Variants in PARG observed in about 807,000 individuals in gnomAD.
PARG encodes the protein mitochondrial poly(ADP-ribose) glycohydrolase.
PARG carries 35 observed loss-of-function variants against 113.0 expected under a neutral mutation model. The ratio of observed to expected loss-of-function variants is 0.31; its 90% CI spans 0.24 to 0.41. The LOEUF is 0.41. Ranked by LOEUF, PARG falls within the 10% of genes least tolerant of loss-of-function variation. The pLI, the probability that PARG is intolerant of heterozygous loss-of-function variation, is 1.00. For missense variants in PARG, 797 were observed against 1,169.4 expected (o/e 0.68, Z 4.64); for synonymous variants, 330 against 409.9 (o/e 0.81, Z 2.36).
At chr10:49,869,353 T>G (rs1554837474) in intron 10 of PARG, 123 bp downstream of exon 10, 1 of 673,674 alleles carries the variant, frequency 1.5e-6, no homozygotes, top group Non-Finnish European at 2.7e-6. Context: ...GCATCATTAC[T>G]AGTGTTTCAA....
intron 7 of PARG, among the ~76,000 whole-genome samples, chr10:49,913,482 A>G (rs1837308148): frequency 1.3e-5 from 2 of 152,262 alleles, no homozygotes; most frequent in Non-Finnish European, 2.9e-5. Flanking sequence ...TTAAACATAC[A>G]TTTATGTCTA....
intron 7 of PARG, among the ~76,000 whole-genome samples, chr10:49,906,551 T>C (rs1848603012): frequency 6.6e-6 from 1 of 152,154 alleles, no homozygotes; most frequent in Non-Finnish European, 1.5e-5. Flanking sequence ...CCACAGTCCA[T>C]AGATAAAAAT....
At chr10:49,882,782 G>T (rs1337223807) in intron 8 of PARG, among the ~76,000 whole-genome samples, 3 of 140,928 alleles carry the variant, frequency 2.1e-5, no homozygotes, top group Non-Finnish European at 4.6e-5. Flanking sequence ...GACACAAAGA[G>T]GATCTCCCTT....
chr10:49,837,607 A>G (rs1317624338), intron 15 of PARG, among the ~76,000 whole-genome samples: 2 of 152,242 alleles, frequency 1.3e-5, no homozygotes, highest in Non-Finnish European at 2.9e-5. Flanking sequence ...AGTAAGGGAC[A>G]AATGCTTTAA....
intron 7 of PARG, among the ~76,000 whole-genome samples, chr10:49,897,563 GC>G (rs1456109415): frequency 3.3e-5 from 5 of 152,184 alleles, no homozygotes; most frequent in African/African-American, 7.2e-5. Context: ...CCAGTACTAA[GC>G]ATAGTATTTA....
intron 7 of PARG, among the ~76,000 whole-genome samples, chr10:49,905,929 C>T (rs1288068854): frequency 2.6e-5 from 4 of 151,794 alleles, no homozygotes; most frequent in African/African-American, 9.7e-5. Flanking sequence ...CACACACAGA[C>T]TGGGTTTGAC....
rs1251742249 is a variant in PARG, at chr10:49,857,250, A to G, written c.2353+56T>C. The G allele has an allele frequency of 1.8e-5, 12 of 679,190 alleles. No homozygotes were observed. The African/African-American group carries it at 2.0e-4, about 11-fold the overall frequency. The allele number at this position is 679,190 out of a possible 1,614,324, so 42.1% of individuals were successfully genotyped here. ...TACTGGGTAGTCTCTAGTCTTCATG[A>G]CAGATATTCACAGATGGGGAAGACT... On this transcript the variant is annotated intron_variant, in intron 13 of 17. Coordinates refer to ENST00000616448, the MANE Select transcript of PARG (RefSeq NM_003631.5).
At chr10:49,934,984 A>C (rs1838679040) in intron 2 of PARG, 92 bp downstream of exon 2, 1 of 652,690 alleles carries the variant, frequency 1.5e-6, no homozygotes, top group Non-Finnish European at 2.8e-6. Flanking sequence ...AGGAGAACAG[A>C]AAAGCATGAA....
intron 7 of PARG, among the ~76,000 whole-genome samples, chr10:49,911,332 G>C (rs1405268783): frequency 6.6e-6 from 1 of 151,402 alleles, no homozygotes; most frequent in African/African-American, 2.4e-5. Context: ...AAGATGCATT[G>C]ATAGAGGACT....
chr10:49,853,699 C>T (rs1198765973), intron 13 of PARG, among the ~76,000 whole-genome samples: 1 of 152,132 alleles, frequency 6.6e-6, no homozygotes, highest in Non-Finnish European at 1.5e-5. Context: ...CTTCAAATGG[C>T]TGACTGAGGC....
intron 16 of PARG, among the ~76,000 whole-genome samples, chr10:49,828,277 A>C (rs1844474398): frequency 6.6e-6 from 1 of 152,146 alleles, no homozygotes; most frequent in African/African-American, 2.4e-5. Context: ...TTATGTTTGA[A>C]AGTAACAGGA....
intron 13 of PARG, among the ~76,000 whole-genome samples, chr10:49,856,827 T>C (rs1182675533): frequency 6.6e-6 from 1 of 151,742 alleles, no homozygotes; most frequent in Non-Finnish European, 1.5e-5. Context: ...CTGACCAATA[T>C]GGAGAAACCC....
intron 13 of PARG, among the ~76,000 whole-genome samples, chr10:49,844,613 A>C (rs1366691236): frequency 7.1e-6 from 1 of 140,534 alleles, no homozygotes; most frequent in Non-Finnish European, 1.5e-5. Context: ...ACAGAGCAAG[A>C]CTCCATCTCA....
At chr10:49,891,348 A>T (rs1288692394) in intron 7 of PARG, among the ~76,000 whole-genome samples, 2 of 151,886 alleles carry the variant, frequency 1.3e-5, no homozygotes, top group African/African-American at 2.4e-5. Flanking sequence ...AAAATAAAAA[A>T]AAATCAATCA....
At chr10:49,826,607 A>G (rs1416937198) in intron 16 of PARG, among the ~76,000 whole-genome samples, 2 of 152,230 alleles carry the variant, frequency 1.3e-5, no homozygotes, top group African/African-American at 4.8e-5. Context: ...AGAAATTTAT[A>G]AAAAGTTTCT....
intron 7 of PARG, among the ~76,000 whole-genome samples, chr10:49,891,947 G>A (rs1408395233): frequency 2.6e-5 from 4 of 151,504 alleles, no homozygotes; most frequent in South Asian, 2.1e-4. Flanking sequence ...GAAACAGGGA[G>A]GTTCATTACC....
At chr10:49,914,028 C>T (rs1396973490) in intron 7 of PARG, among the ~76,000 whole-genome samples, 3 of 152,228 alleles carry the variant, frequency 2.0e-5, no homozygotes, top group Non-Finnish European at 4.4e-5. Flanking sequence ...CTAAACACAC[C>T]AAAACTTGCT....
intron 16 of PARG, among the ~76,000 whole-genome samples, chr10:49,830,266 G>C (rs2132388351): frequency 6.6e-6 from 1 of 152,300 alleles, no homozygotes; most frequent in East Asian, 1.9e-4. Flanking sequence ...CTTGAATCTA[G>C]TCATTCATTT....
chr10:49,941,615 G>A lies in PARG; in HGVS notation c.111C>T (p.Arg37=). The change falls in exon 1 of 18, where the codon CGC becomes CGT. Residue 37 remains arginine (R), a synonymous_variant. Transcript: ENST00000616448. ...DARSFPSRQR[R]VLDPKDAHVQ... is the part of the protein sequence containing the mutation. ...CGTGAGCGTCCTTGGGGTCGAGGAC[G>A]CGCCTCTGCCTGCTGGGAAAGCTCC... The A allele has an allele frequency of 6.3e-7, 1 of 1,586,610 alleles. No individual in the cohort carries two copies. Among genetic ancestry groups the A allele is most frequent in the Non-Finnish European group, 8.6e-7 (1 of 1,167,564 alleles).
Sources: allele counts gnomAD v4.1 joint callset (sites outside exome capture counted in the v4.1 genomes callset), GRCh38; gene constraint gnomAD v4.1.1; transcripts MANE v1.5; gene names NCBI Gene and HGNC (gene_info 2026-07-23, HGNC 2026-07-21).